Variants in HMGB1 observed in about 807,000 individuals in gnomAD.
HMGB1 encodes high mobility group box 1, also known as high mobility group protein B1.
For missense variants in HMGB1, 79 were observed against 253.5 expected (o/e 0.31, Z 4.67); for synonymous variants, 81 against 84.0 (o/e 0.96, Z 0.19).
chr13:30,562,587 C>T (rs1035365178), intron 1 of HMGB1, among the ~76,000 whole-genome samples: 7 of 152,114 alleles, frequency 4.6e-5, no homozygotes, highest in East Asian at 1.9e-4. Context: ...TTCTCAAGAA[C>T]GATTTCACAT....
chr13:30,544,637 C>T (rs763048685), intron 1 of HMGB1, among the ~76,000 whole-genome samples: 1 of 152,240 alleles, frequency 6.6e-6, no homozygotes, highest in African/African-American at 2.4e-5. Flanking sequence ...ACCCTTCCCC[C>T]ACACCTGGCC....
chr13:30,597,293 C>G (rs1489151413), intron 1 of HMGB1, among the ~76,000 whole-genome samples: 1 of 152,128 alleles, frequency 6.6e-6, no homozygotes, highest in African/African-American at 2.4e-5. Context: ...AAGGCAGAGA[C>G]CGGGGCGGTA....
intron 4 of HMGB1, chr13:30,462,238 G>A (rs1029384992): frequency 2.5e-6 from 1 of 405,650 alleles, no homozygotes; most frequent in East Asian, 6.0e-5. Context: ...TGTATGCCAA[G>A]CCATTTGAAA....
chr13:30,533,979 C>T (rs764894737), intron 1 of HMGB1, among the ~76,000 whole-genome samples: 25 of 151,710 alleles, frequency 1.6e-4, no homozygotes, highest in Non-Finnish European at 2.9e-4. Flanking sequence ...ATTCTCCTGC[C>T]TTAGCCTCCC....
At chr13:30,557,895 G>A (rs898555524) in intron 1 of HMGB1, among the ~76,000 whole-genome samples, 7 of 152,108 alleles carry the variant, frequency 4.6e-5, no homozygotes, top group African/African-American at 1.4e-4. Context: ...CTATCAATTC[G>A]GTATGTGTTC....
chr13:30,483,936 C>A (rs1376214200), intron 1 of HMGB1, among the ~76,000 whole-genome samples: 1 of 152,186 alleles, frequency 6.6e-6, no homozygotes, highest in Non-Finnish European at 1.5e-5. Flanking sequence ...CTTAGCAGAG[C>A]ATCCTAGGCC....
chr13:30,512,955 G>A (rs140070134), intron 1 of HMGB1, among the ~76,000 whole-genome samples: 271 of 152,256 alleles, frequency 1.8e-3, no homozygotes, highest in Middle Eastern at 3.4e-3. Flanking sequence ...TTGAGGTCAG[G>A]AGTTCAAGAC....
At chr13:30,576,685 T>A (rs1870671000) in intron 1 of HMGB1, among the ~76,000 whole-genome samples, 2 of 151,786 alleles carry the variant, frequency 1.3e-5, no homozygotes, top group Non-Finnish European at 1.5e-5. Context: ...TCTCTCCACA[T>A]CAGCATCGCA....
Position 30,461,444 on chromosome 13 carries a change from C to T in HMGB1, c.561G>A (p.Glu187=). The T allele has an allele frequency of 1.3e-6, 2 of 1,583,956 alleles. No individual in the cohort carries two copies. The highest frequency in any genetic ancestry group is 1.7e-6 in the Non-Finnish European group (2 of 1,164,418). ...KAEKSKKKKE[E]EEDEEDEEDE... is the part of the protein sequence containing the mutation. ...CCTCTTCATCTTCCTCATCTTCCTC[C>T]TCTTCCTTCTTTTTCTTGCTTTTTT... Residue 187 remains glutamate (E), a synonymous_variant, in exon 5 of 5, where the codon GAG becomes GAA. Transcript: ENST00000341423.
chr13:30,491,880 T>C (rs1170552301), intron 1 of HMGB1, among the ~76,000 whole-genome samples: 1 of 152,098 alleles, frequency 6.6e-6, no homozygotes, highest in East Asian at 1.9e-4. Flanking sequence ...CTTAGAAAGA[T>C]ATCATTGGCC....
At chr13:30,502,472 T>C (rs948442879) in intron 1 of HMGB1, among the ~76,000 whole-genome samples, 4 of 152,146 alleles carry the variant, frequency 2.6e-5, no homozygotes, top group African/African-American at 9.7e-5. Flanking sequence ...TTTATTTACA[T>C]AGAAAACCTT....
chr13:30,552,783 A>C (rs148060697), intron 1 of HMGB1, among the ~76,000 whole-genome samples: 54 of 152,334 alleles, frequency 3.5e-4, no homozygotes, highest in African/African-American at 1.2e-3. Context: ...ATGTGTCTCT[A>C]AACATTCTGA....
At position 30,459,076 on chromosome 13, in the gene HMGB1, AC is replaced by A. The variant is rs1886138518; in HGVS notation, c.*2280del. 6.6e-6 allele frequency: 1 copy of A among 152,194 alleles called. No individual in the cohort carries two copies. Among genetic ancestry groups the A allele is most frequent in the African/African-American group, 2.4e-5 (1 of 41,450 alleles). The allele number at this position is 152,194 out of a possible 1,614,324, so 9.4% of individuals were successfully genotyped here. A position where few individuals can be genotyped will look rare whatever the true frequency, so the allele number is the denominator to read the frequency against. ...TAGATTTAGTCTTTTCTTGATGTCA[AC>A]AAAGTCTTTAAACCCCACAGCACTG... On this transcript the variant is annotated 3_prime_UTR_variant, in exon 5 of 5. Transcript: ENST00000341423.
rs138687698 is a variant in HMGB1, at chr13:30,554,288, C to A, written c.-15+62383G>T. 1,105 of 1,223,644 alleles carry A rather than the reference C, an allele frequency of 9.0e-4. 9 individuals carry two copies. In the African/African-American group the frequency reaches 0.015, roughly 16 times the overall value. The allele number at this position is 1,223,644 out of a possible 1,614,324, so 75.8% of individuals were successfully genotyped here. ...AGTGAGAGAATCTGGCTCCTTGAACCCTGACCATGGGCCTGCAGTGATCCA... is the reference window on the plus strand; with the variant it reads ...AGTGAGAGAATCTGGCTCCTTGAACACTGACCATGGGCCTGCAGTGATCCA... On this transcript the variant is annotated intron_variant, in intron 1 of 4. Transcript: ENST00000405805.
Position 30,557,399 on chromosome 13 carries a change from C to T in HMGB1, c.-15+59272G>A, listed in dbSNP as rs1224720168. ...AGAATGCCTAGTCTATGTTCCTTTGCGTTTTTGTTTTATTTTATTTAAATG... is the reference window on the plus strand; with the variant it reads ...AGAATGCCTAGTCTATGTTCCTTTGTGTTTTTGTTTTATTTTATTTAAATG... On this transcript the variant is annotated intron_variant, in intron 1 of 4. Coordinates refer to the HMGB1 transcript ENST00000405805. Among the ~76,000 whole-genome samples the T allele has an allele frequency of 3.3e-5, 5 of 152,260 alleles. No homozygotes were observed. The East Asian group carries it at 7.7e-4, about 23-fold the overall frequency.
chr13:30,474,955 TTTTG>T (rs1299705754), intron 1 of HMGB1, among the ~76,000 whole-genome samples: 3 of 54,206 alleles, frequency 5.5e-5, no homozygotes, highest in African/African-American at 1.5e-4. Context: ...TCTTTTCTTT[TTTTG>T]TTTTTTTTTT....
At chr13:30,591,321 C>T (rs1320227487) in intron 1 of HMGB1, among the ~76,000 whole-genome samples, 1 of 152,008 alleles carries the variant, frequency 6.6e-6, no homozygotes, top group Admixed American at 6.6e-5. Context: ...TGTGAACCAT[C>T]GCGCCTGGCC....
At chr13:30,538,884 C>T (rs144195102) in intron 1 of HMGB1, among the ~76,000 whole-genome samples, 256 of 151,164 alleles carry the variant, frequency 1.7e-3, no homozygotes, top group African/African-American at 5.7e-3. Context: ...ATAAAAATGG[C>T]CCAAAGGTGT....
intron 1 of HMGB1, among the ~76,000 whole-genome samples, chr13:30,480,194 A>C (rs1887194632): frequency 6.6e-6 from 1 of 152,218 alleles, no homozygotes; most frequent in South Asian, 2.1e-4. Context: ...GAAGTTCATA[A>C]ACTCCTTCAA....
Sources: allele counts gnomAD v4.1 joint callset (sites outside exome capture counted in the v4.1 genomes callset), GRCh38; gene constraint gnomAD v4.1.1; transcripts MANE v1.5; gene names NCBI Gene and HGNC (gene_info 2026-07-23, HGNC 2026-07-21).